The following CSTPP1 variants were observed in gnomAD, a reference collection of about 807,000 sequenced individuals.
The protein encoded by CSTPP1 is UPF0705 protein C11orf49.
At chr11:47,017,140 C>T in the CSTPP1 span, among the ~76,000 whole-genome samples, 1 of 147,466 alleles carries the variant, frequency 6.8e-6, no homozygotes, top group Non-Finnish European at 1.5e-5. Flanking sequence ...TGTGAGCCAC[C>T]ATGCCCAGCC....
At chr11:47,150,531 C>A in the CSTPP1 span, among the ~76,000 whole-genome samples, 102 of 152,290 alleles carry the variant, frequency 6.7e-4, no homozygotes, top group African/African-American at 2.4e-3. Context: ...CTGCAGAAGC[C>A]AGTAGCAGGG....
At chr11:47,102,525 TA>T in the CSTPP1 span, among the ~76,000 whole-genome samples, 1 of 152,054 alleles carries the variant, frequency 6.6e-6, no homozygotes, top group African/African-American at 2.4e-5. Flanking sequence ...TTGTGACCCT[TA>T]AAAAATATAT....
chr11:46,949,334 A>G, the CSTPP1 span, among the ~76,000 whole-genome samples: 1 of 152,246 alleles, frequency 6.6e-6, no homozygotes, highest in East Asian at 1.9e-4. Flanking sequence ...ATTGTCTTCT[A>G]AAGTCTCACA....
chr11:46,957,552 C>T, the CSTPP1 span, among the ~76,000 whole-genome samples: 1 of 152,150 alleles, frequency 6.6e-6, no homozygotes, highest in South Asian at 2.1e-4. Flanking sequence ...TTCTGTATTG[C>T]TATTGAGTGA....
At chr11:47,010,765 A>G in the CSTPP1 span, among the ~76,000 whole-genome samples, 2 of 152,182 alleles carry the variant, frequency 1.3e-5, no homozygotes, top group African/African-American at 4.8e-5. Flanking sequence ...CTTTGTAGGG[A>G]AAAAGAGGTA....
the CSTPP1 span, among the ~76,000 whole-genome samples, chr11:47,122,427 G>A: frequency 6.6e-6 from 1 of 152,020 alleles, no homozygotes; most frequent in African/African-American, 2.4e-5. Flanking sequence ...CATGGAAACA[G>A]GTTTCTGAAG....
chr11:47,009,760 A>G, the CSTPP1 span, among the ~76,000 whole-genome samples: 1 of 152,008 alleles, frequency 6.6e-6, no homozygotes, highest in African/African-American at 2.4e-5. Context: ...GTGACCCAAG[A>G]TCGCACTACT....
chr11:47,053,986 G>A, the CSTPP1 span, among the ~76,000 whole-genome samples: 1 of 151,484 alleles, frequency 6.6e-6, no homozygotes, highest in African/African-American at 2.4e-5. Context: ...TTATTCTCTG[G>A]GTATTATTTG....
the CSTPP1 span, among the ~76,000 whole-genome samples, chr11:46,963,628 C>CA: frequency 0.014 from 2,181 of 151,294 alleles, 54 homozygotes; most frequent in African/African-American, 0.05. Flanking sequence ...ACTAAAAATA[C>CA]AAAAAAAATT....
chr11:46,960,823 G>C, the CSTPP1 span, among the ~76,000 whole-genome samples: 1 of 151,786 alleles, frequency 6.6e-6, no homozygotes, highest in Non-Finnish European at 1.5e-5. Flanking sequence ...CTGCACTCCA[G>C]CCTGGGCAAC....
At chr11:47,164,319 G>C in the CSTPP1 span, 3 of 1,493,908 alleles carry the variant, frequency 2.0e-6, no homozygotes, top group Admixed American at 2.4e-5. Context: ...GACCAACAGG[G>C]AGCCAGGCCC....
the CSTPP1 span, among the ~76,000 whole-genome samples, chr11:47,129,705 T>C: frequency 6.6e-6 from 1 of 152,210 alleles, no homozygotes; most frequent in African/African-American, 2.4e-5. Flanking sequence ...CCTAAAAACC[T>C]GATCAGATTG....
chr11:46,974,659 G>C, the CSTPP1 span, among the ~76,000 whole-genome samples: 1 of 151,578 alleles, frequency 6.6e-6, no homozygotes, highest in Non-Finnish European at 1.5e-5. Context: ...TGGCCAACAT[G>C]GTGAAACCCC....
At chr11:46,973,780 A>ATGTGTGTGTGTG in the CSTPP1 span, among the ~76,000 whole-genome samples, 8,871 of 150,662 alleles carry the variant, frequency 0.059, 329 homozygotes, top group African/African-American at 0.09. Flanking sequence ...TGGAGGGTGT[A>ATGTGTGTGTGTG]TGTGTGTGTG....
chr11:47,138,433 C>T, the CSTPP1 span, among the ~76,000 whole-genome samples: 2 of 152,104 alleles, frequency 1.3e-5, no homozygotes, highest in Admixed American at 1.3e-4. Context: ...CAAGGGTTGG[C>T]AGTGACTTGT....
At chr11:46,984,296 G>A in the CSTPP1 span, among the ~76,000 whole-genome samples, 2 of 152,168 alleles carry the variant, frequency 1.3e-5, no homozygotes, top group African/African-American at 4.8e-5. Context: ...AATTAATTTT[G>A]TAAGTCTCAG....
chr11:47,114,263 G>A, the CSTPP1 span, among the ~76,000 whole-genome samples: 1 of 152,206 alleles, frequency 6.6e-6, no homozygotes, highest in Non-Finnish European at 1.5e-5. Context: ...TTGTAGTATA[G>A]TTTGAAGTCA....
chr11:47,107,483 T>C, the CSTPP1 span, among the ~76,000 whole-genome samples: 1 of 152,206 alleles, frequency 6.6e-6, no homozygotes, highest in Non-Finnish European at 1.5e-5. Flanking sequence ...TTAATGTTCT[T>C]GTCTTTTGAG....
chr11:47,012,843 A>G, the CSTPP1 span, among the ~76,000 whole-genome samples: 22 of 152,026 alleles, frequency 1.4e-4, no homozygotes, highest in African/African-American at 2.9e-4. Flanking sequence ...AAAGGGGGAA[A>G]TGAACATTTT....
Sources: allele counts gnomAD v4.1 joint callset (sites outside exome capture counted in the v4.1 genomes callset), GRCh38; gene constraint gnomAD v4.1.1; transcripts MANE v1.5; gene names NCBI Gene and HGNC (gene_info 2026-07-23, HGNC 2026-07-21).